The following PCDHA5 variants were observed in gnomAD, a reference collection of about 807,000 sequenced individuals.
PCDHA5 encodes the protein protocadherin alpha-5.
A neutral mutation model predicts 61.6 loss-of-function variants in PCDHA5; 43 were observed. The observed-to-expected ratio is 0.70, with a 90% CI of 0.55 to 0.90. The LOEUF (loss-of-function observed/expected upper bound fraction) is 0.90. Ranked by LOEUF, PCDHA5 falls within the 40% of genes least tolerant of loss-of-function variation. PCDHA5 has a pLI of 0.00. For synonymous variants in PCDHA5, 627 were observed against 543.9 expected, an observed-to-expected ratio of 1.15 and a Z score of -2.13; for missense variants, 1,298 against 1,222.7, an observed-to-expected ratio of 1.06 and a Z score of -0.92.
intron 3 of PCDHA5, among the ~76,000 whole-genome samples, chr5:141,004,888 G>C (rs555046086): frequency 2.0e-5 from 3 of 152,132 alleles, no homozygotes; most frequent in Admixed American, 6.5e-5. Flanking sequence ...GTGCTATTGT[G>C]TCAGCTCTGC....
chr5:141,002,049 A>G (rs1288460436), intron 3 of PCDHA5, among the ~76,000 whole-genome samples: 1 of 152,228 alleles, frequency 6.6e-6, no homozygotes, highest in Non-Finnish European at 1.5e-5. Flanking sequence ...CTGGGCATCC[A>G]GAGGCAGCAG....
intron 1 of PCDHA5, among the ~76,000 whole-genome samples, chr5:140,902,424 G>A (rs1422453587): frequency 6.6e-6 from 1 of 152,038 alleles, no homozygotes; most frequent in African/African-American, 2.4e-5. Flanking sequence ...AGTGGTGAAA[G>A]TGGGCATCCT....
chr5:140,854,990 G>A (rs2043295354), intron 1 of PCDHA5, among the ~76,000 whole-genome samples: 1 of 149,498 alleles, frequency 6.7e-6, no homozygotes, highest in African/African-American at 2.5e-5. Context: ...GATTCTTTTT[G>A]CCCGTGTAAG....
chr5:140,850,955 C>G (rs782006051), intron 1 of PCDHA5: 1 of 1,482,450 alleles, frequency 6.7e-7, no homozygotes, highest in African/African-American at 1.4e-5. Context: ...ATCGATTACT[C>G]CCAGGGGCCG....
At chr5:140,968,324 T>C (rs781875050) in intron 1 of PCDHA5, 15 of 1,613,972 alleles carry the variant, frequency 9.3e-6, no homozygotes. Context: ...GCCAGTCACC[T>C]CCTATGTCTC....
intron 1 of PCDHA5, among the ~76,000 whole-genome samples, chr5:140,951,551 A>T (rs246040): frequency 0.31 from 47,721 of 151,608 alleles, 7,835 homozygotes; most frequent in East Asian, 0.53. Flanking sequence ...GACGGGGGGA[A>T]GTGCTACGCA....
intron 1 of PCDHA5, among the ~76,000 whole-genome samples, chr5:140,912,509 T>A (rs1473163707): frequency 6.6e-6 from 1 of 152,170 alleles, no homozygotes; most frequent in Non-Finnish European, 1.5e-5. Flanking sequence ...TTTGGATGAA[T>A]CTTTAGGGTT....
chr5:140,847,732 A>G (rs1781156684), intron 1 of PCDHA5: 1 of 149,812 alleles, frequency 6.7e-6, no homozygotes, highest in Admixed American at 6.7e-5. Flanking sequence ...AGAGAAAAAT[A>G]TATTTTCTCC....
At chr5:140,873,283 A>G (rs1554166657) in intron 1 of PCDHA5, among the ~76,000 whole-genome samples, 1 of 152,258 alleles carries the variant, frequency 6.6e-6, no homozygotes, top group Non-Finnish European at 1.5e-5. Flanking sequence ...CATACCACTT[A>G]TGAAACTTTA....
chr5:140,876,716 G>C lies in PCDHA5; in HGVS notation c.2352+52589G>C, dbSNP rs374218090. On this transcript the variant is annotated intron_variant, in intron 1 of 3. Coordinates refer to ENST00000529859, the MANE Select transcript of PCDHA5 (RefSeq NM_018908.3). ...TTGGTGCTGGACAGCGCCCTGGACC[G>C]CGAGAGCGTGTCGGCCTATGAGCTG... 135 of 1,614,132 alleles carry C rather than the reference G, an allele frequency of 8.4e-5. No homozygotes were observed. In the Middle Eastern group the frequency reaches 2.5e-3, roughly 29 times the overall value.
chr5:141,010,158 G>A lies in PCDHA5; in HGVS notation c.*221G>A. 6.4e-7 allele frequency: 1 copy of A among 1,570,690 alleles called. No homozygotes were observed. Among genetic ancestry groups the A allele is most frequent in the Non-Finnish European group, 8.6e-7 (1 of 1,156,884 alleles). On this transcript the variant is annotated 3_prime_UTR_variant, in exon 4 of 4. Coordinates refer to ENST00000529859, the MANE Select transcript of PCDHA5 (RefSeq NM_018908.3). Reference sequence around the variant, plus strand: ...TAACTCTTTCTCTCCACTCTGGCTTGTTTTCAGAACCTAAAAAGCAGACCC... The same window carrying A: ...TAACTCTTTCTCTCCACTCTGGCTTATTTTCAGAACCTAAAAAGCAGACCC...
intron 1 of PCDHA5, among the ~76,000 whole-genome samples, chr5:140,949,300 G>T (rs1373100269): frequency 1.3e-5 from 2 of 151,534 alleles, no homozygotes; most frequent in Non-Finnish European, 1.5e-5. Flanking sequence ...GTAATTGTTG[G>T]GTGTAATGAT....
intron 1 of PCDHA5, among the ~76,000 whole-genome samples, chr5:140,911,305 T>C (rs1036239500): frequency 1.3e-5 from 2 of 152,186 alleles, no homozygotes; most frequent in Non-Finnish European, 2.9e-5. Context: ...CATATCCCCA[T>C]TCCAAGTTTC....
Position 140,858,511 on chromosome 5 carries a change from G to A in PCDHA5, c.2352+34384G>A. ...TCTCTTACCGCATTTTCTCAAATAT[G>A]TATCAGAATATTTCATTTTTGTCTA... On this transcript the variant is annotated intron_variant, in intron 1 of 3. Transcript: ENST00000529859. 5 of 1,433,712 alleles carry A rather than the reference G, an allele frequency of 3.5e-6. 1 individual carries two copies. The highest frequency in any genetic ancestry group is 4.8e-6 in the Non-Finnish European group (5 of 1,040,150). 88.8% of individuals were successfully genotyped at this position (1,433,712 alleles called of 1,614,324 possible).
At chr5:140,987,395 G>A (rs1438598842) in intron 3 of PCDHA5, among the ~76,000 whole-genome samples, 1 of 152,166 alleles carries the variant, frequency 6.6e-6, no homozygotes, top group East Asian at 1.9e-4. Flanking sequence ...ATGCAAGGAA[G>A]CCATCTGTTT....
chr5:140,925,084 AGGAAGGAAGGAAGGAAGGAAGGAG>A (rs1554202501), intron 1 of PCDHA5, among the ~76,000 whole-genome samples: 1 of 144,612 alleles, frequency 6.9e-6, no homozygotes, highest in Admixed American at 6.7e-5. Flanking sequence ...TCATCTGGAA[AGGAAGGAAGGAAGGAAGGAAGGAG>A]GGAAGGAAGG....
intron 3 of PCDHA5, among the ~76,000 whole-genome samples, chr5:140,995,545 T>C (rs998594175): frequency 1.3e-5 from 2 of 152,206 alleles, no homozygotes; most frequent in Non-Finnish European, 2.9e-5. Flanking sequence ...TAAGGGGCGA[T>C]CACTGTACTG....
chr5:140,821,829 T>G lies in PCDHA5; in HGVS notation c.54T>G (p.Leu18=), dbSNP rs2150110969. 2 of 1,614,124 alleles carry G rather than the reference T, an allele frequency of 1.2e-6. No homozygotes were observed. The highest frequency in any genetic ancestry group is 2.2e-5 in the South Asian group (2 of 91,080). The change falls in exon 1 of 4, where the codon CTT becomes CTG. Residue 18 remains leucine (L), a synonymous_variant. Coordinates refer to ENST00000529859, the MANE Select transcript of PCDHA5 (RefSeq NM_018908.3). The stretch of plus-strand genomic sequence containing the variant: ...GATCCCGGCTCCTGCTGCTCTGGCT[T>G]CTCCTTGCCTACTGGAAGGCAGGGA... ...SLGSRLLLLW[L]LLAYWKAGSG... is the part of the protein sequence containing the mutation.
At chr5:140,980,307 TA>T (rs1554241617) in intron 2 of PCDHA5, among the ~76,000 whole-genome samples, 2 of 152,140 alleles carry the variant, frequency 1.3e-5, no homozygotes, top group African/African-American at 4.8e-5. Context: ...AGTTGTGCCT[TA>T]AAAACTACAT....
Sources: allele counts gnomAD v4.1 joint callset (sites outside exome capture counted in the v4.1 genomes callset), GRCh38; gene constraint gnomAD v4.1.1; transcripts MANE v1.5; gene names NCBI Gene and HGNC (gene_info 2026-07-23, HGNC 2026-07-21).